Variants in MMP26 observed in about 807,000 individuals in gnomAD.
MMP26 encodes matrix metallopeptidase 26, also known as matrix metalloproteinase-26.
In MMP26, 33 loss-of-function variants were observed where a neutral mutation model predicts 31.0. That is an observed-to-expected ratio of 1.06 (90% CI 0.81 to 1.42). The LOEUF is 1.42. Ranked by LOEUF, MMP26 falls within the 40% of genes most tolerant of loss-of-function variation. The pLI, the probability that MMP26 is intolerant of heterozygous loss-of-function variation, is 0.00. For synonymous variants in MMP26, 122 were observed against 114.9 expected (o/e 1.06, Z -0.40); for missense variants, 347 against 316.1 (o/e 1.10, Z -0.74).
At chr11:4,758,622 AT>A (rs1447872148) in intron 1 of MMP26, among the ~76,000 whole-genome samples, 1 of 152,146 alleles carries the variant, frequency 6.6e-6, no homozygotes, top group African/African-American at 2.4e-5. Flanking sequence ...TAGAAGAAAA[AT>A]TTCTAAATAT....
chr11:4,848,281 T>C, intron 2 of MMP26: 1 of 1,613,748 alleles, frequency 6.2e-7, no homozygotes, highest in African/African-American at 1.3e-5. Flanking sequence ...CTGTTGAGTA[T>C]TCTCTTTCTA....
intron 1 of MMP26, among the ~76,000 whole-genome samples, chr11:4,724,328 G>A (rs7124586): frequency 0.82 from 125,424 of 152,108 alleles, 51,898 homozygotes; most frequent in South Asian, 0.89. Context: ...GAAAACAGAA[G>A]TGGAAGATGG....
intron 2 of MMP26, among the ~76,000 whole-genome samples, chr11:4,839,232 G>A (rs1336730108): frequency 2.0e-5 from 3 of 151,942 alleles, no homozygotes; most frequent in South Asian, 2.1e-4. Context: ...AGTGATCTGG[G>A]TCTTTAAGTA....
chr11:4,829,691 A>G (rs911662997), intron 2 of MMP26, among the ~76,000 whole-genome samples: 6 of 152,128 alleles, frequency 3.9e-5, no homozygotes, highest in African/African-American at 1.4e-4. Context: ...GAAGGAGCCT[A>G]TGATAAATTA....
chr11:4,707,805 T>C (rs2133262353), intron 1 of MMP26, among the ~76,000 whole-genome samples: 1 of 152,344 alleles, frequency 6.6e-6, no homozygotes, highest in East Asian at 1.9e-4. Context: ...ATTCATTTAA[T>C]AGATACTTTT....
At chr11:4,800,291 T>C (rs1044281561) in intron 2 of MMP26, among the ~76,000 whole-genome samples, 1 of 152,206 alleles carries the variant, frequency 6.6e-6, no homozygotes, top group Non-Finnish European at 1.5e-5. Context: ...CATGCTTGCT[T>C]TCTGTGTGCC....
chr11:4,824,156 G>C (rs1849550124), intron 2 of MMP26, among the ~76,000 whole-genome samples: 1 of 151,958 alleles, frequency 6.6e-6, no homozygotes, highest in African/African-American at 2.4e-5. Flanking sequence ...TCAATTAATG[G>C]GTACTGTATA....
intron 1 of MMP26, among the ~76,000 whole-genome samples, chr11:4,739,341 T>A (rs1042956118): frequency 6.6e-6 from 1 of 151,870 alleles, no homozygotes; most frequent in Non-Finnish European, 1.5e-5. Context: ...CCTAGGTGAG[T>A]TTTCTTCTCT....
Position 4,946,922 on chromosome 11 carries a change from G to A in MMP26, c.-144-41146G>A, listed in dbSNP as rs776273337. ...CAACATGGAAAGAAAATAGTACATG[G>A]GCTCATGCAAGGAGGGCTCTGTCTT... is the stretch of plus-strand genomic sequence containing the variant. On this transcript the variant is annotated intron_variant, in intron 2 of 7. Transcript: ENST00000380390. 15 of 1,606,418 alleles carry A rather than the reference G, an allele frequency of 9.3e-6. 1 individual carries two copies. Among genetic ancestry groups the A allele is most frequent in the Middle Eastern group, 3.3e-4 (2 of 6,034 alleles).
chr11:4,785,834 G>A (rs1050868301), intron 2 of MMP26, among the ~76,000 whole-genome samples: 4 of 152,022 alleles, frequency 2.6e-5, no homozygotes, highest in East Asian at 1.9e-4. Context: ...ATATGTTTTC[G>A]CTATGTTTTA....
Position 4,715,349 on chromosome 11 carries a change from A to T in MMP26, c.-217+10304A>T, listed in dbSNP as rs866655543. On this transcript the variant is annotated intron_variant, in intron 1 of 7. Transcript: ENST00000380390. ...AAGTCTTTTTTTCCTGTAAAAAAAAAAAAAAGAATATAACTCCAGAGGAAG... is the reference window on the plus strand; with the variant it reads ...AAGTCTTTTTTTCCTGTAAAAAAAATAAAAAGAATATAACTCCAGAGGAAG... Among the ~76,000 whole-genome samples the T allele has an allele frequency of 8.1e-3, 1,232 of 151,832 alleles. 19 individuals carry two copies. The highest frequency in any genetic ancestry group is 0.026 in the African/African-American group (1,074 of 41,428).
At chr11:4,907,387 C>G in intron 2 of MMP26, 1 of 1,612,586 alleles carries the variant, frequency 6.2e-7, no homozygotes, top group South Asian at 1.1e-5. Flanking sequence ...TTCTCAATAA[C>G]TCCGAAGTCA....
chr11:4,867,680 T>A (rs1190772223), intron 2 of MMP26, among the ~76,000 whole-genome samples: 1 of 152,012 alleles, frequency 6.6e-6, no homozygotes, highest in Non-Finnish European at 1.5e-5. Flanking sequence ...TGAGCCACCA[T>A]GTGCAGCTGA....
intron 1 of MMP26, among the ~76,000 whole-genome samples, chr11:4,750,608 TG>T (rs1435682526): frequency 2.6e-5 from 4 of 152,088 alleles, no homozygotes; most frequent in African/African-American, 9.7e-5. Context: ...AATGAAGTGA[TG>T]TTTTTTGCAG....
At chr11:4,737,323 A>C (rs1174736870) in intron 1 of MMP26, among the ~76,000 whole-genome samples, 1 of 152,144 alleles carries the variant, frequency 6.6e-6, no homozygotes, top group Non-Finnish European at 1.5e-5. Context: ...CCTGATTCAC[A>C]ATACAGAATA....
intron 2 of MMP26, chr11:4,955,749 A>T (rs1481116237): frequency 1.9e-6 from 3 of 1,573,962 alleles, no homozygotes; most frequent in African/African-American, 2.7e-5. Flanking sequence ...AAAAATACAG[A>T]TACACCTGAC....
At chr11:4,891,789 C>T (rs1241904002) in intron 2 of MMP26, among the ~76,000 whole-genome samples, 1 of 152,180 alleles carries the variant, frequency 6.6e-6, no homozygotes, top group African/African-American at 2.4e-5. Flanking sequence ...TCAACATACA[C>T]TTTCACAGCT....
intron 2 of MMP26, among the ~76,000 whole-genome samples, chr11:4,958,697 T>A (rs770455537): frequency 1.3e-5 from 2 of 152,196 alleles, no homozygotes; most frequent in Non-Finnish European, 2.9e-5. Flanking sequence ...TAACAATATA[T>A]GCCTGCTGTG....
chr11:4,730,203 G>A (rs1164661886), intron 1 of MMP26, among the ~76,000 whole-genome samples: 1 of 152,008 alleles, frequency 6.6e-6, no homozygotes, highest in Non-Finnish European at 1.5e-5. Context: ...TGGGACATAC[G>A]AGGTGCCCCA....
Sources: gnomAD v4.1 joint callset for allele counts (sites outside exome capture counted in the v4.1 genomes callset) on GRCh38, gnomAD v4.1.1 for gene constraint, MANE v1.5 for transcripts, NCBI Gene and HGNC (gene_info 2026-07-23, HGNC 2026-07-21) for gene names.